The following LUZP2 variants were observed in gnomAD, a reference collection of about 807,000 sequenced individuals.
LUZP2 encodes the protein leucine zipper protein 2.
LUZP2 carries 52 observed loss-of-function variants against 51.6 expected under a neutral mutation model. That is an observed-to-expected ratio of 1.01 (90% CI 0.81 to 1.27). The LOEUF (loss-of-function observed/expected upper bound fraction) is 1.27. Ranked by LOEUF, LUZP2 falls within the 50% of genes most tolerant of loss-of-function variation. The probability of loss-of-function intolerance (pLI) is 0.00; values close to 1 mark genes in which losing one functional copy is unlikely to be tolerated. For missense variants in LUZP2, 436 were observed against 395.4 expected (o/e 1.10, Z -0.87); for synonymous variants, 154 against 137.3 (o/e 1.12, Z -0.85).
At chr11:24,580,301 A>C (rs1324776966) in intron 1 of LUZP2, among the ~76,000 whole-genome samples, 2 of 152,098 alleles carry the variant, frequency 1.3e-5, no homozygotes, top group Non-Finnish European at 2.9e-5. Context: ...AATCCTTTCT[A>C]ATTGTTTCAG....
chr11:25,050,289 T>G (rs1252226393), intron 10 of LUZP2, among the ~76,000 whole-genome samples, 159 bp downstream of exon 10: 2 of 129,444 alleles, frequency 1.5e-5, no homozygotes, highest in Non-Finnish European at 3.3e-5. Context: ...GTTCTTTATG[T>G]TCTTTTTTTT....
chr11:24,987,008 A>T (rs1856206951), intron 9 of LUZP2, among the ~76,000 whole-genome samples: 1 of 151,842 alleles, frequency 6.6e-6, no homozygotes, highest in Admixed American at 6.6e-5. Context: ...CAAATTACTT[A>T]ACTTTTCTAA....
In LUZP2 at chr11:24,975,279, T is replaced by C. The variant is rs142785461; in HGVS notation, c.523-1312T>C. Among the ~76,000 whole-genome samples, 394 of 152,208 alleles carry C rather than the reference T, an allele frequency of 2.6e-3. 3 individuals are homozygous for C. Among genetic ancestry groups the C allele is most frequent in the Middle Eastern group, 0.02 (6 of 294 alleles). ...AGTAATATTTGCTGAATTATAAAAT[T>C]ATTGAATGAATGTTGACACCTAATA... On this transcript the variant is annotated intron_variant, in intron 7 of 11. Coordinates refer to ENST00000336930, the MANE Select transcript of LUZP2 (RefSeq NM_001009909.4).
chr11:25,068,471 TGTC>T (rs962731108), intron 10 of LUZP2, among the ~76,000 whole-genome samples: 43 of 152,102 alleles, frequency 2.8e-4, no homozygotes, highest in African/African-American at 1.0e-3. Flanking sequence ...TTCAACTTCT[TGTC>T]AGCCATATGA....
chr11:24,781,578 A>G (rs1301148063), intron 5 of LUZP2, among the ~76,000 whole-genome samples: 3 of 47,368 alleles, frequency 6.3e-5, no homozygotes, highest in Non-Finnish European at 9.0e-5. Context: ...GATTTTTTAT[A>G]GCCACAGGTA....
chr11:24,566,224 AAAATT>A (rs1167473957), intron 1 of LUZP2, among the ~76,000 whole-genome samples: 30 of 151,624 alleles, frequency 2.0e-4, no homozygotes, highest in Admixed American at 1.3e-4. Context: ...ACTGTATTAA[AAAATT>A]AAAGAATAGT....
chr11:24,875,721 A>T (rs1476513640), intron 5 of LUZP2, among the ~76,000 whole-genome samples: 3 of 152,002 alleles, frequency 2.0e-5, no homozygotes, highest in Non-Finnish European at 4.4e-5. Context: ...TCCCACCAAC[A>T]GTGTAAAAGT....
In LUZP2 at chr11:25,080,968, G is replaced by A. The variant is rs1859442871; in HGVS notation, c.*2310G>A. On this transcript the variant is annotated 3_prime_UTR_variant, in exon 12 of 12. Coordinates refer to ENST00000336930, the MANE Select transcript of LUZP2 (RefSeq NM_001009909.4). The stretch of plus-strand genomic sequence containing the variant: ...TTCATTTTAAAGTTGTTTTTGTTCT[G>A]TATATTCTAAATTCCTTTTATTAAT... 6.8e-6 allele frequency: 1 copy of A among 148,008 alleles called. No homozygotes were observed. The allele number at this position is 148,008 out of a possible 1,614,324, so 9.2% of individuals were successfully genotyped here. A position where few individuals can be genotyped will look rare whatever the true frequency, so the allele number is the denominator to read the frequency against.
intron 5 of LUZP2, among the ~76,000 whole-genome samples, chr11:24,835,592 CAGATA>C (rs1183318980): frequency 1.3e-5 from 2 of 152,012 alleles, no homozygotes; most frequent in Admixed American, 6.6e-5. Context: ...GTTCAGATTA[CAGATA>C]AGATAATTAA....
chr11:25,030,005 A>ATGATTTGGGGCAT (rs1055673428), intron 9 of LUZP2, among the ~76,000 whole-genome samples: 3 of 152,140 alleles, frequency 2.0e-5, no homozygotes, highest in African/African-American at 7.2e-5. Context: ...ACCAACCAAC[A>ATGATTTGGGGCAT]TAACCACATG....
chr11:24,878,989 G>C (rs1056144668), intron 5 of LUZP2, among the ~76,000 whole-genome samples: 11 of 121,988 alleles, frequency 9.0e-5, no homozygotes, highest in African/African-American at 2.9e-4. Context: ...ATTTATTTTT[G>C]AGATAGAGTC....
chr11:24,985,126 T>A (rs529629476), intron 9 of LUZP2, among the ~76,000 whole-genome samples: 1 of 151,922 alleles, frequency 6.6e-6, no homozygotes, highest in East Asian at 1.9e-4. Context: ...GTTTAGTGTT[T>A]TGTATTCAAC....
chr11:25,067,166 T>C (rs1838773), intron 10 of LUZP2, among the ~76,000 whole-genome samples: 63,074 of 151,692 alleles, frequency 0.42, 14,336 homozygotes, highest in Non-Finnish European at 0.51. Flanking sequence ...AGAGACTGAG[T>C]CATTTTAAAA....
chr11:24,708,040 G>A (rs927406383), intron 1 of LUZP2, among the ~76,000 whole-genome samples: 1 of 152,130 alleles, frequency 6.6e-6, no homozygotes, highest in Non-Finnish European at 1.5e-5. Flanking sequence ...TTTGGAGGGA[G>A]TCAGGGCAGA....
chr11:24,789,143 T>C (rs1849334758), intron 5 of LUZP2, among the ~76,000 whole-genome samples: 1 of 152,226 alleles, frequency 6.6e-6, no homozygotes, highest in South Asian at 2.1e-4. Context: ...TGCCCAGGAA[T>C]TAGTACGCTC....
chr11:24,927,450 T>C (rs927386265), intron 7 of LUZP2, among the ~76,000 whole-genome samples: 1 of 151,798 alleles, frequency 6.6e-6, no homozygotes, highest in African/African-American at 2.4e-5. Context: ...GTGAGAGGAG[T>C]ATCCAGTTTC....
intron 5 of LUZP2, among the ~76,000 whole-genome samples, chr11:24,765,629 C>CTTT (rs762443498): frequency 2.3e-5 from 3 of 133,038 alleles, no homozygotes; most frequent in Non-Finnish European, 4.9e-5. Flanking sequence ...TTTCTTTTTT[C>CTTT]TTTTTTTTTT....
At chr11:24,813,247 A>T (rs956526516) in intron 5 of LUZP2, among the ~76,000 whole-genome samples, 1 of 152,128 alleles carries the variant, frequency 6.6e-6, no homozygotes, top group African/African-American at 2.4e-5. Context: ...GTAGTTCTCT[A>T]TTCTCTTCAG....
chr11:24,931,928 A>G (rs747377719), intron 7 of LUZP2, among the ~76,000 whole-genome samples: 1 of 152,112 alleles, frequency 6.6e-6, no homozygotes, highest in Non-Finnish European at 1.5e-5. Context: ...TACTGTTCAG[A>G]TGATTTTATC....
Sources: allele counts gnomAD v4.1 joint callset (sites outside exome capture counted in the v4.1 genomes callset), GRCh38; gene constraint gnomAD v4.1.1; transcripts MANE v1.5; gene names NCBI Gene and HGNC (gene_info 2026-07-23, HGNC 2026-07-21).